Variants in KCNB2 observed in about 807,000 individuals in gnomAD.
The protein encoded by KCNB2 is delayed rectifier potassium channel protein.
KCNB2 carries 15 observed loss-of-function variants against 61.5 expected under a neutral mutation model. The observed-to-expected ratio is 0.24, with a 90% confidence interval of 0.16 to 0.38. The LOEUF (loss-of-function observed/expected upper bound fraction) is 0.38, where lower values mean the gene tolerates loss of function less well. KCNB2 is among the 10% of genes least tolerant of loss of function. KCNB2 has a pLI of 1.00. For missense variants in KCNB2, 828 were observed against 1,125.2 expected (o/e 0.74, Z 3.78); for synonymous variants, 457 against 446.0 (o/e 1.02, Z -0.31).
At chr8:72,543,218 C>T (rs1452455966) in intron 1 of KCNB2, among the ~76,000 whole-genome samples, 3 of 152,042 alleles carry the variant, frequency 2.0e-5, no homozygotes, top group African/African-American at 7.2e-5. Context: ...AATTCCCTAT[C>T]TGTAATAGAA....
chr8:72,541,365 G>A (rs1030158265), intron 1 of KCNB2, among the ~76,000 whole-genome samples: 3 of 152,024 alleles, frequency 2.0e-5, no homozygotes, highest in African/African-American at 7.2e-5. Context: ...CTATGGTGTA[G>A]CTGTCAGAAA....
chr8:72,807,001 A>G (rs1563390963), intron 2 of KCNB2, among the ~76,000 whole-genome samples: 1 of 152,172 alleles, frequency 6.6e-6, no homozygotes, highest in Non-Finnish European at 1.5e-5. Context: ...ATACATCTTA[A>G]TGGTGGCTAG....
At chr8:72,818,959 C>T (rs1366812792) in intron 2 of KCNB2, among the ~76,000 whole-genome samples, 2 of 152,152 alleles carry the variant, frequency 1.3e-5, no homozygotes, top group African/African-American at 4.8e-5. Flanking sequence ...TTGTGTAAAA[C>T]CATTCTTTCG....
intron 2 of KCNB2, among the ~76,000 whole-genome samples, chr8:72,634,344 A>G (rs1805932246): frequency 6.6e-6 from 1 of 152,178 alleles, no homozygotes; most frequent in South Asian, 2.1e-4. Flanking sequence ...TAACATGCTC[A>G]TGAATCGCCT....
rs749309476 is a variant in KCNB2, at chr8:72,937,386, C to T, written c.2031C>T (p.Asn677=). The change falls in exon 3 of 3, where the codon AAC becomes AAT. Residue 677 remains asparagine (N), a synonymous_variant. Coordinates refer to ENST00000523207, the MANE Select transcript of KCNB2 (RefSeq NM_004770.3). ...LEYAPVDITV[N]LDASGSQCGL... Reference sequence around the variant, plus strand: ...ATGCCCCAGTTGACATAACTGTGAACCTCGATGCCAGTGGCTCCCAGTGTG... The same window carrying T: ...ATGCCCCAGTTGACATAACTGTGAATCTCGATGCCAGTGGCTCCCAGTGTG... The T allele has an allele frequency of 1.2e-6, 2 of 1,614,056 alleles. No homozygotes were observed. The highest frequency in any genetic ancestry group is 1.7e-6 in the Non-Finnish European group (2 of 1,180,024).
intron 2 of KCNB2, among the ~76,000 whole-genome samples, chr8:72,847,950 G>A (rs1810026864): frequency 6.6e-6 from 1 of 152,120 alleles, no homozygotes; most frequent in South Asian, 2.1e-4. Flanking sequence ...TCTGTGGGAA[G>A]TATTTTAAAT....
chr8:72,791,981 CAGAG>C (rs1204837633), intron 2 of KCNB2, among the ~76,000 whole-genome samples: 2 of 152,096 alleles, frequency 1.3e-5, no homozygotes, highest in Non-Finnish European at 2.9e-5. Flanking sequence ...ACCTACAGTT[CAGAG>C]AGAGAAAGAG....
intron 2 of KCNB2, among the ~76,000 whole-genome samples, chr8:72,714,007 A>T (rs1207456660): frequency 6.6e-6 from 1 of 152,274 alleles, no homozygotes; most frequent in Non-Finnish European, 1.5e-5. Context: ...GAACTACATG[A>T]TGAATGCACA....
chr8:72,561,733 A>ATATATG (rs1554576127), intron 1 of KCNB2, among the ~76,000 whole-genome samples: 1 of 18,492 alleles, frequency 5.4e-5, no homozygotes, highest in African/African-American at 3.3e-4. Context: ...ATATATCTAT[A>ATATATG]TCTATATATA....
Position 72,937,838 on chromosome 8 carries a change from A to G in KCNB2, c.2483A>G (p.Asp828Gly), listed in dbSNP as rs755487896. The G allele has an allele frequency of 7.4e-6, 12 of 1,613,818 alleles. No individual in the cohort carries two copies. The Admixed American group carries it at 2.0e-4, about 27-fold the overall frequency. The change falls in exon 3 of 3, where the codon GAC becomes GGC. Residue 828 changes from aspartate (D) to glycine (G), a missense_variant. Asp to Gly is a moderately conservative substitution (Grantham distance 94). Around this residue, in one of 4 missense-constraint regions of KCNB2, gnomAD observed 559 missense variants for 588.4 expected, o/e 0.95. Coordinates refer to ENST00000523207, the MANE Select transcript of KCNB2 (RefSeq NM_004770.3). Reference protein sequence around the residue: ...LPGAREEKQVDSSPNCFADKP... With the variant: ...LPGAREEKQVGSSPNCFADKP... ...GGGGCAAGGGAGGAGAAGCAGGTGG[A>G]CTCCAGCCCAAATTGCTTTGCAGAT...
At chr8:72,783,519 GCT>G (rs1308167492) in intron 2 of KCNB2, among the ~76,000 whole-genome samples, 1 of 152,126 alleles carries the variant, frequency 6.6e-6, no homozygotes. Context: ...GTCTTTGGAT[GCT>G]CAGGGTACAA....
At chr8:72,590,384 A>G (rs1807075805) in intron 2 of KCNB2, among the ~76,000 whole-genome samples, 1 of 152,150 alleles carries the variant, frequency 6.6e-6, no homozygotes, top group African/African-American at 2.4e-5. Flanking sequence ...CCTCTCTGAA[A>G]GAACATTGGA....
At chr8:72,573,886 T>C (rs1277880853) in intron 2 of KCNB2, among the ~76,000 whole-genome samples, 1 of 148,250 alleles carries the variant, frequency 6.7e-6, no homozygotes, top group Non-Finnish European at 1.5e-5. Flanking sequence ...TCTGTATTGG[T>C]GGTTTACCAT....
At chr8:72,798,448 C>A (rs937082826) in intron 2 of KCNB2, among the ~76,000 whole-genome samples, 1 of 152,190 alleles carries the variant, frequency 6.6e-6, no homozygotes, top group African/African-American at 2.4e-5. Flanking sequence ...GCCTTGCTCA[C>A]AGAGTGGTTC....
chr8:72,838,306 T>C (rs1024144108), intron 2 of KCNB2, among the ~76,000 whole-genome samples: 6 of 152,244 alleles, frequency 3.9e-5, no homozygotes, highest in Admixed American at 2.0e-4. Context: ...GATGTTCCCC[T>C]CCCTGTGTCC....
At chr8:72,724,688 A>G (rs1271270892) in intron 2 of KCNB2, among the ~76,000 whole-genome samples, 6 of 152,310 alleles carry the variant, frequency 3.9e-5, no homozygotes, top group Non-Finnish European at 7.3e-5. Flanking sequence ...AAAAATTATT[A>G]GTTGTATATC....
At chr8:72,739,877 A>G (rs1341902869) in intron 2 of KCNB2, among the ~76,000 whole-genome samples, 3 of 152,148 alleles carry the variant, frequency 2.0e-5, no homozygotes, top group Admixed American at 6.6e-5. Flanking sequence ...CTAACTAAAC[A>G]GAAGAGAGAA....
intron 2 of KCNB2, among the ~76,000 whole-genome samples, chr8:72,600,945 A>C (rs1255905827): frequency 6.6e-6 from 1 of 151,856 alleles, no homozygotes; most frequent in Non-Finnish European, 1.5e-5. Context: ...CCATGACACG[A>C]GTTTGCTTGT....
At chr8:72,725,566 T>C (rs1243241158) in intron 2 of KCNB2, among the ~76,000 whole-genome samples, 10 of 8,124 alleles carry the variant, frequency 1.2e-3, no homozygotes, top group African/African-American at 7.9e-3. Flanking sequence ...TGTATATATG[T>C]ATATATATGT....
Sources: gnomAD v4.1 joint callset for allele counts (sites outside exome capture counted in the v4.1 genomes callset) on GRCh38, gnomAD v4.1.1 for gene constraint, gnomAD v4.1.1 regional missense constraint, MANE v1.5 for transcripts, NCBI Gene and HGNC (gene_info 2026-07-23, HGNC 2026-07-21) for gene names.